MYO3B: variants seen among roughly 807,000 people sequenced by gnomAD.
The protein encoded by MYO3B is myosin IIIB.
A neutral mutation model predicts 174.6 loss-of-function variants in MYO3B; 156 were observed. The ratio of observed to expected loss-of-function variants is 0.89; its 90% confidence interval spans 0.78 to 1.02. The LOEUF is 1.02. Among genes scored for constraint, MYO3B ranks in the 50% least tolerant of loss-of-function variants. MYO3B has a pLI of 0.00. For missense variants in MYO3B, 1,632 were observed against 1,639.4 expected (o/e 1.00, Z 0.08); for synonymous variants, 563 against 569.1 (o/e 0.99, Z 0.15).
chr2:170,371,089 G>C (rs540975386), intron 9 of MYO3B, among the ~76,000 whole-genome samples: 44 of 151,734 alleles, frequency 2.9e-4, no homozygotes, highest in African/African-American at 1.0e-3. Context: ...ATAGTGGCAG[G>C]CACCTGTAAT....
At chr2:170,278,297 A>G (rs2093478420) in intron 7 of MYO3B, among the ~76,000 whole-genome samples, 1 of 152,162 alleles carries the variant, frequency 6.6e-6, no homozygotes, top group Non-Finnish European at 1.5e-5. Context: ...GCAAGGATGT[A>G]GGAAAGGATT....
chr2:170,178,245 G>T lies in MYO3B; in HGVS notation c.-43G>T. The T allele has an allele frequency of 1.2e-6, 2 of 1,613,948 alleles. No homozygotes were observed. The highest frequency in any genetic ancestry group is 1.7e-6 in the Non-Finnish European group (2 of 1,179,788). On this transcript the variant is annotated 5_prime_UTR_variant, in exon 1 of 35. Coordinates refer to ENST00000408978, the MANE Select transcript of MYO3B (RefSeq NM_138995.5). ...GTTCTGCTGGTTTTTGGAGGAATGA[G>T]AATCCAATCTCTCATAAGCCGGATT...
At chr2:170,633,550 A>G (rs1007753002) in intron 32 of MYO3B, among the ~76,000 whole-genome samples, 3 of 152,182 alleles carry the variant, frequency 2.0e-5, no homozygotes, top group Non-Finnish European at 4.4e-5. Context: ...ATTCCCTTTG[A>G]AAACTGGCAC....
intron 28 of MYO3B, among the ~76,000 whole-genome samples, chr2:170,512,861 C>T (rs1268962509): frequency 1.3e-5 from 2 of 152,194 alleles, no homozygotes; most frequent in African/African-American, 4.8e-5. Context: ...CTCTGCCAGT[C>T]TACAGCTGTG....
intron 32 of MYO3B, among the ~76,000 whole-genome samples, chr2:170,605,935 T>C (rs1694780910): frequency 6.6e-6 from 1 of 152,232 alleles, no homozygotes; most frequent in African/African-American, 2.4e-5. Flanking sequence ...CTGGTCTCCT[T>C]TCCCTCATTT....
chr2:170,453,369 CA>C (rs1232990648), intron 23 of MYO3B, among the ~76,000 whole-genome samples: 2 of 149,400 alleles, frequency 1.3e-5, no homozygotes, highest in Non-Finnish European at 3.0e-5. Flanking sequence ...TTCTATTAAT[CA>C]TACCTTTGCA....
Position 170,493,009 on chromosome 2 carries a change from T to G in MYO3B, c.3015-5583T>G, listed in dbSNP as rs554229718. Reference sequence around the variant, plus strand: ...CATAAGAAAGGAGAATGAAGGGAAGTGAAAGCTCCCTTCCGCCCTCAAAGG... The same window carrying G: ...CATAAGAAAGGAGAATGAAGGGAAGGGAAAGCTCCCTTCCGCCCTCAAAGG... On this transcript the variant is annotated intron_variant, in intron 25 of 34. Coordinates refer to ENST00000408978, the MANE Select transcript of MYO3B (RefSeq NM_138995.5). Among the ~76,000 whole-genome samples, 167 of 152,304 alleles carry G rather than the reference T, an allele frequency of 1.1e-3. 1 individual carries two copies. Among genetic ancestry groups the G allele is most frequent in the African/African-American group, 3.9e-3 (164 of 41,570 alleles).
chr2:170,205,752 A>G (rs1340459748), intron 3 of MYO3B, among the ~76,000 whole-genome samples: 1 of 152,000 alleles, frequency 6.6e-6, no homozygotes, highest in African/African-American at 2.4e-5. Context: ...TCCAGCTCCT[A>G]GTGTTGTCTT....
At chr2:170,287,711 A>G (rs774164058) in intron 7 of MYO3B, among the ~76,000 whole-genome samples, 2 of 151,958 alleles carry the variant, frequency 1.3e-5, no homozygotes, top group Non-Finnish European at 2.9e-5. Flanking sequence ...GATTTGCAGA[A>G]GATTTTTAGC....
At chr2:170,337,669 T>A (rs986710307) in intron 8 of MYO3B, among the ~76,000 whole-genome samples, 2 of 152,168 alleles carry the variant, frequency 1.3e-5, no homozygotes, top group Non-Finnish European at 2.9e-5. Flanking sequence ...AACTTTTGAC[T>A]CTCCAAAACC....
intron 7 of MYO3B, among the ~76,000 whole-genome samples, chr2:170,308,586 G>GTC (rs1410692405): frequency 6.6e-6 from 1 of 152,068 alleles, no homozygotes; most frequent in East Asian, 1.9e-4. Context: ...GTGCATCCAG[G>GTC]TCTCTGTGCC....
intron 32 of MYO3B, among the ~76,000 whole-genome samples, chr2:170,644,133 T>C (rs1698191245): frequency 6.6e-6 from 1 of 152,160 alleles, no homozygotes; most frequent in African/African-American, 2.4e-5. Context: ...TGAATTAGGG[T>C]TGCCAGATTT....
At chr2:170,363,783 C>T (rs1168478730) in intron 8 of MYO3B, among the ~76,000 whole-genome samples, 1 of 152,128 alleles carries the variant, frequency 6.6e-6, no homozygotes, top group South Asian at 2.1e-4. Context: ...AACCACCCAT[C>T]ATGGCCTTAT....
chr2:170,612,799 C>G lies in MYO3B; in HGVS notation c.3734-38829C>G, dbSNP rs73013504. Among the ~76,000 whole-genome samples the G allele has an allele frequency of 6.5e-3, 983 of 152,294 alleles. 9 individuals carry two copies. The highest frequency in any genetic ancestry group is 0.022 in the African/African-American group (914 of 41,568). On this transcript the variant is annotated intron_variant, in intron 32 of 34. Transcript: ENST00000408978. The stretch of plus-strand genomic sequence containing the variant: ...CTAGAGAGAGGCTTTGTTAAATTCC[C>G]TAATACTTCAGGACAAGCAACCTTA...
intron 7 of MYO3B, among the ~76,000 whole-genome samples, chr2:170,304,140 A>G (rs1192994382): frequency 6.6e-6 from 1 of 152,200 alleles, no homozygotes; most frequent in African/African-American, 2.4e-5. Context: ...ATTCTGTAGG[A>G]TAGTGAAAAA....
chr2:170,379,033 C>T (rs2094315059), intron 9 of MYO3B, among the ~76,000 whole-genome samples: 1 of 152,178 alleles, frequency 6.6e-6, no homozygotes, highest in Non-Finnish European at 1.5e-5. Context: ...AGAGGGCTTA[C>T]TCCATCTTGA....
At chr2:170,353,599 A>G (rs1426348230) in intron 8 of MYO3B, among the ~76,000 whole-genome samples, 1 of 152,184 alleles carries the variant, frequency 6.6e-6, no homozygotes, top group Non-Finnish European at 1.5e-5. Context: ...GAGTTCCTCA[A>G]TTGTAACAAA....
At chr2:170,557,396 C>T (rs890555948) in intron 32 of MYO3B, among the ~76,000 whole-genome samples, 1 of 152,122 alleles carries the variant, frequency 6.6e-6, no homozygotes, top group Non-Finnish European at 1.5e-5. Context: ...GCCTCTGCCT[C>T]CCAAAGTGCT....
chr2:170,508,522 T>C (rs1485465100), intron 28 of MYO3B, among the ~76,000 whole-genome samples: 3 of 152,256 alleles, frequency 2.0e-5, no homozygotes, highest in Admixed American at 6.5e-5. Context: ...GGCTTTGTTT[T>C]ACCTCTTAAC....
Sources: allele counts gnomAD v4.1 joint callset (sites outside exome capture counted in the v4.1 genomes callset), GRCh38; gene constraint gnomAD v4.1.1; transcripts MANE v1.5; gene names NCBI Gene and HGNC (gene_info 2026-07-23, HGNC 2026-07-21).